Variants in FRAS1 observed in about 807,000 individuals in gnomAD.
The protein encoded by FRAS1 is Fraser extracellular matrix complex subunit 1, also known as extracellular matrix organizing protein FRAS1.
A neutral mutation model predicts 435.2 loss-of-function variants in FRAS1; 290 were observed. The ratio of observed to expected loss-of-function variants is 0.67; its 90% CI spans 0.61 to 0.73. The LOEUF (loss-of-function observed/expected upper bound fraction) is 0.73. Ranked by LOEUF, FRAS1 falls within the 30% of genes least tolerant of loss-of-function variation. The pLI, the probability that FRAS1 is intolerant of heterozygous loss-of-function variation, is 0.00. For missense variants in FRAS1, 4,860 were observed against 5,001.5 expected, an observed-to-expected ratio of 0.97 and a Z score of 0.85; for synonymous variants, 1,800 against 1,851.0, an observed-to-expected ratio of 0.97 and a Z score of 0.71.
chr4:78,418,638 G>A (rs201540963), intron 32 of FRAS1, among the ~76,000 whole-genome samples: 3 of 152,242 alleles, frequency 2.0e-5, no homozygotes, highest in African/African-American at 4.8e-5. Context: ...ATTTGCAAAC[G>A]TGTTCCACCT....
intron 15 of FRAS1, among the ~76,000 whole-genome samples, chr4:78,314,602 C>T (rs758755290): frequency 6.6e-6 from 1 of 152,180 alleles, no homozygotes; most frequent in African/African-American, 2.4e-5. Flanking sequence ...ATCTCATTGC[C>T]TTTCCTAGGA....
intron 2 of FRAS1, among the ~76,000 whole-genome samples, chr4:78,171,130 A>C (rs1185490413): frequency 6.6e-6 from 1 of 152,060 alleles, no homozygotes; most frequent in East Asian, 1.9e-4. Context: ...CTCTGAATTG[A>C]TGCCTCAAAA....
At chr4:78,415,316 G>C (rs189988381) in intron 32 of FRAS1, among the ~76,000 whole-genome samples, 1 of 152,064 alleles carries the variant, frequency 6.6e-6, no homozygotes, top group East Asian at 1.9e-4. Flanking sequence ...CACAACTAAG[G>C]AACTTACTCA....
rs530520450 is a variant in FRAS1 at position 78,468,619 on chromosome 4, C to T, written c.7258-1359C>T. On this transcript the variant is annotated intron_variant, in intron 50 of 73. Transcript: ENST00000512123. ...AAAGGAATCGCTGTCTTCTAACATC[C>T]AGATATCCAGAAGAAATGTTGATTC... Among the ~76,000 whole-genome samples the T allele has an allele frequency of 2.5e-3, 381 of 152,268 alleles. 3 individuals are homozygous for T. The highest frequency in any genetic ancestry group is 8.6e-3 in the African/African-American group (357 of 41,558).
At chr4:78,298,419 C>A (rs1328085015) in intron 14 of FRAS1, among the ~76,000 whole-genome samples, 1 of 151,390 alleles carries the variant, frequency 6.6e-6, no homozygotes, top group African/African-American at 2.4e-5. Context: ...TTAAAGAAAC[C>A]ACAGTGGAAG....
chr4:78,155,338 A>G (rs1015113824), intron 2 of FRAS1, among the ~76,000 whole-genome samples: 1 of 152,202 alleles, frequency 6.6e-6, no homozygotes, highest in Non-Finnish European at 1.5e-5. Context: ...AAGAAAAAAG[A>G]TTGTTATTAT....
In FRAS1 at chr4:78,387,607, A is replaced by C. The variant is rs373207218; in HGVS notation, c.3881A>C (p.Asp1294Ala). The change falls in exon 29 of 74, where the codon GAT (aspartate) becomes GCT (alanine). Residue 1294 changes from aspartate to alanine, a missense_variant. Physicochemically the swap from Asp to Ala is moderately radical, Grantham distance 126. Transcript: ENST00000512123. ...LSRGLLHYAH[D>A]GSDSTSDVAV... Reference sequence around the variant, plus strand: ...AGAGGCCTTCTCCACTATGCTCATGATGGTTCAGACAGCACATCCGATGTT... The same window carrying C: ...AGAGGCCTTCTCCACTATGCTCATGCTGGTTCAGACAGCACATCCGATGTT... 1 of 1,613,494 alleles carries C rather than the reference A, an allele frequency of 6.2e-7. No homozygotes were observed. Among genetic ancestry groups the C allele is most frequent in the Non-Finnish European group, 8.5e-7 (1 of 1,179,620 alleles).
At chr4:78,523,519 G>A (rs78113580) in intron 69 of FRAS1, among the ~76,000 whole-genome samples, 3,187 of 152,214 alleles carry the variant, frequency 0.021, 126 homozygotes, top group African/African-American at 0.071. Flanking sequence ...CTATGAAAAG[G>A]ATAAGTGGGC....
At chr4:78,148,873 C>CA (rs1295579369) in intron 2 of FRAS1, among the ~76,000 whole-genome samples, 6 of 152,314 alleles carry the variant, frequency 3.9e-5, no homozygotes, top group Non-Finnish European at 8.8e-5. Flanking sequence ...GAGAGGCATA[C>CA]ACCAGCAGAA....
At chr4:78,525,942 T>C (rs546654662) in intron 69 of FRAS1, among the ~76,000 whole-genome samples, 1 of 152,162 alleles carries the variant, frequency 6.6e-6, no homozygotes, top group African/African-American at 2.4e-5. Context: ...TTCGACTTTA[T>C]AAAGGGATGA....
chr4:78,135,406 A>T (rs1719878965), intron 2 of FRAS1, among the ~76,000 whole-genome samples: 1 of 152,126 alleles, frequency 6.6e-6, no homozygotes, highest in Admixed American at 6.5e-5. Flanking sequence ...ATTTGTGGAG[A>T]ACTTTCTCAT....
At chr4:78,154,852 T>C (rs1272930699) in intron 2 of FRAS1, among the ~76,000 whole-genome samples, 1 of 152,172 alleles carries the variant, frequency 6.6e-6, no homozygotes, top group East Asian at 1.9e-4. Flanking sequence ...GTATACCCAG[T>C]TCTTGACAAT....
intron 2 of FRAS1, among the ~76,000 whole-genome samples, chr4:78,080,864 A>G (rs1740862773): frequency 1.3e-5 from 2 of 152,172 alleles, no homozygotes; most frequent in African/African-American, 2.4e-5. Context: ...AATCTGTCCC[A>G]GGACGTCTTA....
intron 70 of FRAS1, among the ~76,000 whole-genome samples, chr4:78,533,860 T>G (rs1721799625): frequency 6.6e-6 from 1 of 152,164 alleles, no homozygotes; most frequent in Non-Finnish European, 1.5e-5. Context: ...GCAAATGCAC[T>G]CAGTGACAAG....
intron 19 of FRAS1, among the ~76,000 whole-genome samples, chr4:78,335,269 G>A (rs537265752): frequency 6.6e-6 from 1 of 152,250 alleles, no homozygotes; most frequent in African/African-American, 2.4e-5. Flanking sequence ...GATCCTGCAG[G>A]TGGGCTCTTC....
chr4:78,322,547 A>G (rs2110242864), intron 18 of FRAS1, among the ~76,000 whole-genome samples: 1 of 146,970 alleles, frequency 6.8e-6, no homozygotes, highest in Non-Finnish European at 1.5e-5. Context: ...TACTGCAGCT[A>G]ATAAAAGCAA....
rs778397090 is a variant in FRAS1, at chr4:78,266,882, C to T, written c.736C>T (p.Arg246Trp). ...TGCCTGCACCACGTGTATATGTGAC[C>T]GGGGTGAGGTCAGGTGTCACAAGCA... ...ENACTTCICD[R>W]GEVRCHKQAC... The change falls in exon 8 of 74, where the codon CGG (arginine) becomes TGG (tryptophan). Residue 246 changes from arginine (R) to tryptophan (W), a missense_variant. Coordinates refer to ENST00000512123, the MANE Select transcript of FRAS1 (RefSeq NM_025074.7). The T allele has an allele frequency of 1.9e-5, 30 of 1,608,440 alleles. No individual in the cohort carries two copies. The highest frequency in any genetic ancestry group is 4.5e-5 in the East Asian group (2 of 44,702).
chr4:78,163,683 G>A lies in FRAS1; in HGVS notation c.109-73827G>A, dbSNP rs530991889. On this transcript the variant is annotated intron_variant, in intron 2 of 73. Coordinates refer to ENST00000512123, the MANE Select transcript of FRAS1 (RefSeq NM_025074.7). ...TAACCCATACTGGGGCTGATCTATA[G>A]TGCTGTGGTTTCTTTTTGCTTCTTT... is the stretch of plus-strand genomic sequence containing the variant. 7.2e-5 allele frequency among the ~76,000 whole-genome samples: 11 copies of A among 152,310 alleles called. No homozygotes were observed. In the South Asian group the frequency reaches 2.3e-3, roughly 32 times the overall value.
chr4:78,456,057 A>G (rs1324083589), intron 47 of FRAS1, among the ~76,000 whole-genome samples: 1 of 151,972 alleles, frequency 6.6e-6, no homozygotes, highest in Admixed American at 6.6e-5. Context: ...GTCCTCCTCC[A>G]GCCAGCAGGA....
Sources: gnomAD v4.1 joint callset for allele counts (sites outside exome capture counted in the v4.1 genomes callset) on GRCh38, gnomAD v4.1.1 for gene constraint, MANE v1.5 for transcripts, NCBI Gene and HGNC (gene_info 2026-07-23, HGNC 2026-07-21) for gene names.